CLSTN2: variants seen among roughly 807,000 people sequenced by gnomAD.
CLSTN2 encodes calsyntenin-2.
Under a neutral mutation model 101.2 loss-of-function variants are expected in CLSTN2, and 48 were observed. The observed-to-expected ratio is 0.47, with a 90% confidence interval of 0.38 to 0.60. The LOEUF is 0.60. CLSTN2 is among the 20% of genes least tolerant of loss of function. CLSTN2 has a pLI of 0.00. For synonymous variants in CLSTN2, 481 were observed against 463.6 expected, an observed-to-expected ratio of 1.04 and a Z score of -0.48; for missense variants, 1,160 against 1,238.2, an observed-to-expected ratio of 0.94 and a Z score of 0.95.
chr3:139,984,672 C>G (rs1379420034), intron 1 of CLSTN2, among the ~76,000 whole-genome samples: 1 of 152,156 alleles, frequency 6.6e-6, no homozygotes, highest in Non-Finnish European at 1.5e-5. Flanking sequence ...CTTGGGCTAT[C>G]TCCAAGGTGC....
chr3:140,228,524 C>T (rs2086342799), intron 2 of CLSTN2, among the ~76,000 whole-genome samples: 1 of 152,342 alleles, frequency 6.6e-6, no homozygotes, highest in South Asian at 2.1e-4. Flanking sequence ...GCATGTTACC[C>T]AGTTCCAAAG....
chr3:140,342,716 T>A (rs2107937108), intron 2 of CLSTN2, among the ~76,000 whole-genome samples: 1 of 152,208 alleles, frequency 6.6e-6, no homozygotes. Flanking sequence ...AGGCTAGGGG[T>A]AACCTGAAAC....
chr3:140,220,292 CTA>C (rs1251983857), intron 2 of CLSTN2, among the ~76,000 whole-genome samples: 2 of 152,172 alleles, frequency 1.3e-5, no homozygotes, highest in Admixed American at 6.5e-5. Flanking sequence ...GATCTCAATC[CTA>C]TATATGTCAG....
intron 2 of CLSTN2, among the ~76,000 whole-genome samples, chr3:140,241,874 T>C (rs1433860396): frequency 2.2e-4 from 13 of 60,042 alleles, no homozygotes; most frequent in African/African-American, 5.8e-4. Context: ...TATACACATA[T>C]ATATATACAC....
At chr3:140,407,618 G>A (rs2088317971) in intron 4 of CLSTN2, among the ~76,000 whole-genome samples, 1 of 152,144 alleles carries the variant, frequency 6.6e-6, no homozygotes, top group African/African-American at 2.4e-5. Flanking sequence ...ATATTTACCT[G>A]GATGATTGGG....
chr3:140,230,917 G>A (rs1383047140), intron 2 of CLSTN2, among the ~76,000 whole-genome samples: 1 of 152,158 alleles, frequency 6.6e-6, no homozygotes, highest in East Asian at 1.9e-4. Flanking sequence ...TAAGGGCAAA[G>A]AACCTTGTAG....
intron 1 of CLSTN2, among the ~76,000 whole-genome samples, chr3:140,049,019 C>A (rs2007937414): frequency 6.6e-6 from 1 of 152,236 alleles, no homozygotes; most frequent in African/African-American, 2.4e-5. Flanking sequence ...CCCCTCCCCC[C>A]ATCTCTTGGA....
intron 1 of CLSTN2, among the ~76,000 whole-genome samples, chr3:139,988,930 G>T (rs570251879): frequency 6.6e-6 from 1 of 152,328 alleles, no homozygotes; most frequent in Admixed American, 6.5e-5. Context: ...GAAGGACAGA[G>T]TGTGATAGAA....
At chr3:140,174,009 A>G (rs1169363150) in intron 1 of CLSTN2, among the ~76,000 whole-genome samples, 1 of 152,138 alleles carries the variant, frequency 6.6e-6, no homozygotes, top group Non-Finnish European at 1.5e-5. Context: ...AATTTCTACA[A>G]TTGACTGGAA....
chr3:140,219,012 G>T (rs1352372367), intron 2 of CLSTN2, among the ~76,000 whole-genome samples: 1 of 152,082 alleles, frequency 6.6e-6, no homozygotes, highest in African/African-American at 2.4e-5. Context: ...AAGCTGTTTT[G>T]TTTTGTTTTT....
chr3:140,403,853 G>C (rs770166493), intron 3 of CLSTN2, 29 bp downstream of exon 3: 1 of 1,569,134 alleles, frequency 6.4e-7, no homozygotes, highest in African/African-American at 1.3e-5. Flanking sequence ...CCCTCTGGAC[G>C]CCCCTCCCTC....
At chr3:140,173,403 C>T (rs1015509456) in intron 1 of CLSTN2, among the ~76,000 whole-genome samples, 3 of 152,244 alleles carry the variant, frequency 2.0e-5, no homozygotes, top group Admixed American at 2.0e-4. Context: ...CTCCCAGCTG[C>T]TTTCATGGGC....
chr3:140,521,613 C>A (rs567525828), intron 8 of CLSTN2, among the ~76,000 whole-genome samples: 2 of 152,328 alleles, frequency 1.3e-5, no homozygotes, highest in East Asian at 3.9e-4. Context: ...GGTTAGAGAC[C>A]TGCTTAAATA....
At chr3:140,241,003 G>A (rs2086462494) in intron 2 of CLSTN2, among the ~76,000 whole-genome samples, 1 of 152,140 alleles carries the variant, frequency 6.6e-6, no homozygotes, top group South Asian at 2.1e-4. Flanking sequence ...ATGAGGGACT[G>A]TAACTGTTGA....
chr3:140,215,813 T>C (rs2107849385), intron 2 of CLSTN2, among the ~76,000 whole-genome samples: 1 of 152,330 alleles, frequency 6.6e-6, no homozygotes, highest in Admixed American at 6.5e-5. Flanking sequence ...TATAAAATGC[T>C]TAAAACAGTG....
intron 12 of CLSTN2, among the ~76,000 whole-genome samples, chr3:140,559,650 GAA>G (rs1553754084): frequency 6.6e-6 from 1 of 151,968 alleles, no homozygotes; most frequent in Non-Finnish European, 1.5e-5. Context: ...AGGGACGGGG[GAA>G]ATATAAATTT....
intron 2 of CLSTN2, among the ~76,000 whole-genome samples, chr3:140,321,537 G>A (rs2087282967): frequency 6.6e-6 from 1 of 152,106 alleles, no homozygotes; most frequent in African/African-American, 2.4e-5. Flanking sequence ...AGACCACTGG[G>A]GACCCTCCAA....
chr3:140,265,009 T>A (rs1330760150), intron 2 of CLSTN2, among the ~76,000 whole-genome samples: 3 of 152,140 alleles, frequency 2.0e-5, no homozygotes, highest in Non-Finnish European at 2.9e-5. Flanking sequence ...AAGTATTGAG[T>A]GTGTGCTGGC....
intron 2 of CLSTN2, among the ~76,000 whole-genome samples, chr3:140,371,075 C>T (rs1576536825): frequency 6.6e-6 from 1 of 152,300 alleles, no homozygotes; most frequent in East Asian, 1.9e-4. Context: ...TGGCAAACAC[C>T]TTCTGCAGAA....
Sources: allele counts gnomAD v4.1 joint callset (sites outside exome capture counted in the v4.1 genomes callset), GRCh38; gene constraint gnomAD v4.1.1; transcripts MANE v1.5; gene names NCBI Gene and HGNC (gene_info 2026-07-23, HGNC 2026-07-21).